Variants in PHKG2 observed in about 807,000 individuals in gnomAD.
The protein encoded by PHKG2 is phosphorylase kinase catalytic subunit gamma 2, also known as phosphorylase b kinase gamma catalytic chain, liver/testis isoform.
PHKG2 carries 28 observed loss-of-function variants against 44.5 expected under a neutral mutation model. The observed-to-expected ratio is 0.63, with a 90% CI of 0.47 to 0.86. PHKG2 has a LOEUF of 0.86. PHKG2 is among the 40% of genes least tolerant of loss of function. PHKG2 has a pLI of 0.00. For missense variants in PHKG2, 498 were observed against 547.5 expected (o/e 0.91, Z 0.90); for synonymous variants, 220 against 211.2 (o/e 1.04, Z -0.36).
chr16:30,750,508 C>T (rs1210491373), intron 2 of PHKG2, among the ~76,000 whole-genome samples: 1 of 152,208 alleles, frequency 6.6e-6, no homozygotes, highest in African/African-American at 2.4e-5. Flanking sequence ...AAATCCTTGT[C>T]TAGGACTTTG....
intron 4 of PHKG2, chr16:30,752,975 C>G (rs1466075698): frequency 1.8e-6 from 1 of 546,430 alleles, no homozygotes; most frequent in Non-Finnish European, 3.3e-6. Flanking sequence ...CAACAAGAAC[C>G]TCCTATAAAT....
chr16:30,754,557 CAA>C (rs2053391762), intron 6 of PHKG2, among the ~76,000 whole-genome samples: 1 of 152,124 alleles, frequency 6.6e-6, no homozygotes, highest in East Asian at 1.9e-4. Context: ...TAGATTGGCT[CAA>C]AGAGGTGAGA....
Position 30,756,447 on chromosome 16 carries a change from G to C in PHKG2, c.728G>C (p.Arg243Pro). The C allele has an allele frequency of 6.2e-7, 1 of 1,613,816 alleles. No homozygotes were observed. Among genetic ancestry groups the C allele is most frequent in the South Asian group, 1.1e-5 (1 of 91,074 alleles). ...CACCGGCGGCAGATCCTGATGTTAC[G>C]CATGATCATGGAGGGCCAGTACCAG... ...FWHRRQILML[R>P]MIMEGQYQFS... The change falls in exon 8 of 10, where the codon CGC becomes CCC. Residue 243 changes from arginine to proline, a missense_variant. By Grantham distance (103) the Arg-to-Pro change is moderately radical. Coordinates refer to ENST00000563588, the MANE Select transcript of PHKG2 (RefSeq NM_000294.3).
Position 30,759,972 on chromosome 16 carries a change from G to C in PHKG2, c.*2875G>C. ...CTTATATTCTAGGGGAATAAACCAA[G>C]AAATAGATCATTTCAGCTATTAAAC... is the stretch of plus-strand genomic sequence containing the variant. On this transcript the variant is annotated 3_prime_UTR_variant, in exon 10 of 10. Transcript: ENST00000563588. The C allele has an allele frequency of 1.4e-6, 2 of 1,453,362 alleles. No individual in the cohort carries two copies. The highest frequency in any genetic ancestry group is 1.8e-6 in the Non-Finnish European group (2 of 1,110,176). 90.0% of individuals were successfully genotyped at this position (1,453,362 alleles called of 1,614,324 possible).
chr16:30,752,994 C>T, intron 4 of PHKG2: 1 of 584,472 alleles, frequency 1.7e-6, no homozygotes, highest in Non-Finnish European at 3.1e-6. Flanking sequence ...ATTATATTGT[C>T]ACAAGAAGTC....
In PHKG2 at chr16:30,756,801, C is replaced by T; in HGVS notation, c.928-3C>T. The T allele has an allele frequency of 1.2e-6, 2 of 1,614,162 alleles. No individual in the cohort carries two copies. Among genetic ancestry groups the T allele is most frequent in the Non-Finnish European group, 8.5e-7 (1 of 1,180,040 alleles). ...CTAGAGCTCACCCTGCCCCCCTTCC[C>T]AGGTGGCAGTGTGGACAGTGCTGGC... On this transcript the variant is annotated splice_region_variant and splice_polypyrimidine_tract_variant and intron_variant, in intron 9 of 9. Coordinates refer to ENST00000563588, the MANE Select transcript of PHKG2 (RefSeq NM_000294.3).
Position 30,751,252 on chromosome 16 carries a change from T to C in PHKG2, c.242T>C (p.Leu81Pro). 1 of 1,611,978 alleles carries C rather than the reference T, an allele frequency of 6.2e-7. No homozygotes were observed. Among genetic ancestry groups the C allele is most frequent in the South Asian group, 1.1e-5 (1 of 91,088 alleles). Residue 81 changes from leucine to proline, a missense_variant, in exon 3 of 10, where the codon CTT becomes CCT. Leu to Pro is a moderately conservative substitution (Grantham distance 98). Coordinates refer to ENST00000563588, the MANE Select transcript of PHKG2 (RefSeq NM_000294.3). ...GCCACACGGCGAGAGACACACATCC[T>C]TCGCCAGGTCGCCGGCCACCCCCAC... ...REATRRETHI[L>P]RQVAGHPHII... is the part of the protein sequence containing the mutation.
chr16:30,754,184 GAGACAGAGTCTCACTCTGTCACCCA>G lies in PHKG2; in HGVS notation c.556+628_556+652del, dbSNP rs1183226589. The stretch of plus-strand genomic sequence containing the variant: ...TTTTCTTTTTTCTTTTTTTTTTTTT[GAGACAGAGTCTCACTCTGTCACCCA>G]GGCTGGGATGCAGTGGCATGATCTT... On this transcript the variant is annotated intron_variant, in intron 6 of 9. Transcript: ENST00000563588. 3.6e-5 allele frequency among the ~76,000 whole-genome samples: 3 copies of G among 82,320 alleles called. No homozygotes were observed. The East Asian group carries it at 1.0e-3, about 29-fold the overall frequency. 54.0% of individuals were successfully genotyped at this position (82,320 alleles called of 152,430 possible).
At chr16:30,750,290 C>T (rs1269473775) in intron 2 of PHKG2, among the ~76,000 whole-genome samples, 1 of 152,138 alleles carries the variant, frequency 6.6e-6, no homozygotes, top group Non-Finnish European at 1.5e-5. Context: ...GTTTACATCC[C>T]TTGATTTAAC....
Position 30,753,391 on chromosome 16 carries a change from C to T in PHKG2, c.393-3C>T, listed in dbSNP as rs1484595623. 2 of 1,614,180 alleles carry T rather than the reference C, an allele frequency of 1.2e-6. No homozygotes were observed. Among genetic ancestry groups the T allele is most frequent in the Non-Finnish European group, 1.7e-6 (2 of 1,180,030 alleles). ...AGACTGCACCCGCCTCCCCTTCCCC[C>T]AGGTCCATCATGCGGTCTCTGCTGG... On this transcript the variant is annotated splice_region_variant and splice_polypyrimidine_tract_variant and intron_variant, in intron 5 of 9. Transcript: ENST00000563588.
At position 30,758,435 on chromosome 16, in the gene PHKG2, T is replaced by C. The variant is rs192483412; in HGVS notation, c.*1338T>C. The C allele has an allele frequency of 3.8e-5, 6 of 157,016 alleles. No individual in the cohort carries two copies. The highest frequency in any genetic ancestry group is 1.4e-4 in the African/African-American group (6 of 41,506). 9.7% of individuals were successfully genotyped at this position (157,016 alleles called of 1,614,324 possible). ...GAGCAGAACATGCAGGTTTGCTACG[T>C]AGGTATACATGGGCCATGGTGGTTT... On this transcript the variant is annotated 3_prime_UTR_variant, in exon 10 of 10. Coordinates refer to ENST00000563588, the MANE Select transcript of PHKG2 (RefSeq NM_000294.3).
rs958101854 is a variant in PHKG2, at chr16:30,757,302, G to A, written c.*205G>A. On this transcript the variant is annotated 3_prime_UTR_variant, in exon 10 of 10. Transcript: ENST00000563588. ...GGAAGGGAGCCATTCTGAACGCCAC[G>A]CCTGGCCCGGTCAGTGCTGCATGCA... 93 of 1,536,454 alleles carry A rather than the reference G, an allele frequency of 6.1e-5. No individual in the cohort carries two copies. The Admixed American group carries it at 6.3e-4, about 10-fold the overall frequency.
chr16:30,748,728 C>T (rs1388298935), intron 1 of PHKG2, 75 bp from the exon 2 acceptor site: 4 of 707,352 alleles, frequency 5.7e-6, no homozygotes, highest in Admixed American at 4.5e-5. Context: ...AGGGCTGCGC[C>T]CCCGGGAGCC....
At position 30,757,727 on chromosome 16, in the gene PHKG2, G is replaced by T. The variant is rs1053987295; in HGVS notation, c.*630G>T. On this transcript the variant is annotated 3_prime_UTR_variant, in exon 10 of 10. Transcript: ENST00000563588. ...GCAATGGGGGGATGGTCCCTAGTTG[G>T]GCAAACAGTCCCCAAATTTCCCCTG... 52 of 1,512,410 alleles carry T rather than the reference G, an allele frequency of 3.4e-5. No homozygotes were observed. In the South Asian group the frequency reaches 5.0e-4, roughly 14 times the overall value. 93.7% of individuals were successfully genotyped at this position (1,512,410 alleles called of 1,614,324 possible).
intron 9 of PHKG2, 40 bp from the exon 10 acceptor site, chr16:30,756,764 C>T: frequency 1.9e-6 from 3 of 1,614,126 alleles, no homozygotes; most frequent in Non-Finnish European, 2.5e-6. Context: ...GTCCCATGAT[C>T]TTTCCCCTGC....
Position 30,760,660 on chromosome 16 carries a change from A to C in PHKG2, c.*3563A>C, listed in dbSNP as rs753602877. ...CAGCTGGTGCATGGAATGGACGTCCAGGTACTTCCTGTTATAGTAAAAGAA... is the reference window on the plus strand; with the variant it reads ...CAGCTGGTGCATGGAATGGACGTCCCGGTACTTCCTGTTATAGTAAAAGAA... On this transcript the variant is annotated 3_prime_UTR_variant, in exon 10 of 10. Transcript: ENST00000563588. 4 of 1,548,332 alleles carry C rather than the reference A, an allele frequency of 2.6e-6. No individual in the cohort carries two copies. Among genetic ancestry groups the C allele is most frequent in the Non-Finnish European group, 2.6e-6 (3 of 1,147,324 alleles).
rs765807785 is a variant in PHKG2, at chr16:30,756,677, A to G, written c.889A>G (p.Ser297Gly). ...CCCCTTCTTTGAGCGTTGTGAAGGC[A>G]GCCAACCCTGGAACCTCACCCCCCG... ...QHPFFERCEG[S>G]QPWNLTPRQR... Residue 297 changes from serine to glycine, a missense_variant, in exon 9 of 10, where the codon AGC (serine) becomes GGC (glycine). By Grantham distance (56) the Ser-to-Gly change is moderately conservative. Transcript: ENST00000563588. 6.2e-7 allele frequency: 1 copy of G among 1,614,060 alleles called. No homozygotes were observed. The highest frequency in any genetic ancestry group is 1.1e-5 in the South Asian group (1 of 91,086).
At chr16:30,753,137 G>C in intron 4 of PHKG2, 95 bp from the exon 5 acceptor site, 1 of 957,710 alleles carries the variant, frequency 1.0e-6, no homozygotes. Context: ...TCTATCTTTA[G>C]TGGCCTCTTC....
chr16:30,760,282 A>C lies in PHKG2; in HGVS notation c.*3185A>C, dbSNP rs1175990282. The C allele has an allele frequency of 3.7e-6, 6 of 1,613,848 alleles. No individual in the cohort carries two copies. The East Asian group carries it at 1.3e-4, about 36-fold the overall frequency. ...TCAAACCTGGTAGCTGCCCCCTCTC[A>C]CCAATACAAGCCTTGTGAAGATCCT... On this transcript the variant is annotated 3_prime_UTR_variant, in exon 10 of 10. Coordinates refer to ENST00000563588, the MANE Select transcript of PHKG2 (RefSeq NM_000294.3).
Sources: gnomAD v4.1 joint callset for allele counts (sites outside exome capture counted in the v4.1 genomes callset) on GRCh38, gnomAD v4.1.1 for gene constraint, MANE v1.5 for transcripts, NCBI Gene and HGNC (gene_info 2026-07-23, HGNC 2026-07-21) for gene names.